The following BLTP3B variants were observed in gnomAD, a reference collection of about 807,000 sequenced individuals.
BLTP3B encodes bridge-like lipid transfer protein family member 3B.
the BLTP3B span, chr12:100,097,656 C>A: frequency 4.8e-6 from 4 of 836,086 alleles, no homozygotes; most frequent in Middle Eastern, 3.8e-4. Context: ...TTGTAAATTG[C>A]ATTATTCCAT....
At chr12:100,054,698 C>T in the BLTP3B span, among the ~76,000 whole-genome samples, 1 of 152,048 alleles carries the variant, frequency 6.6e-6, no homozygotes, top group Non-Finnish European at 1.5e-5. Flanking sequence ...AAGAAGATTG[C>T]TATGAATTAT....
chr12:100,096,069 T>C, the BLTP3B span, among the ~76,000 whole-genome samples: 11 of 151,956 alleles, frequency 7.2e-5, no homozygotes, highest in Admixed American at 4.6e-4. Flanking sequence ...CTGGCCAACA[T>C]GGTAGAAACC....
At chr12:100,054,151 C>T in the BLTP3B span, among the ~76,000 whole-genome samples, 9 of 152,224 alleles carry the variant, frequency 5.9e-5, no homozygotes, top group East Asian at 3.9e-4. Flanking sequence ...ACAATCTAAA[C>T]ATCCAACATC....
chr12:100,069,505 T>C, the BLTP3B span, among the ~76,000 whole-genome samples: 7 of 152,050 alleles, frequency 4.6e-5, no homozygotes, highest in Non-Finnish European at 7.4e-5. Context: ...TGTGTATATA[T>C]ATGATGGAAT....
At chr12:100,108,417 T>C in the BLTP3B span, 7 of 1,612,938 alleles carry the variant, frequency 4.3e-6, no homozygotes, top group Non-Finnish European at 5.1e-6. Context: ...AAAAACTTTG[T>C]TGATAGCAAG....
At chr12:100,069,624 G>A in the BLTP3B span, among the ~76,000 whole-genome samples, 3 of 151,930 alleles carry the variant, frequency 2.0e-5, no homozygotes, top group African/African-American at 4.8e-5. Context: ...ACTAAACATC[G>A]TATGTTCTTC....
chr12:100,068,630 ACTC>A, the BLTP3B span, among the ~76,000 whole-genome samples: 1 of 152,210 alleles, frequency 6.6e-6, no homozygotes, highest in South Asian at 2.1e-4. Flanking sequence ...GCTACAATGA[ACTC>A]AAATCAACAA....
At chr12:100,098,943 C>CACATAGAT in the BLTP3B span, among the ~76,000 whole-genome samples, 600 of 119,886 alleles carry the variant, frequency 5.0e-3, 3 homozygotes, top group African/African-American at 0.017. Context: ...GACAGACAGA[C>CACATAGAT]ACATAGATAC....
chr12:100,059,127 C>T, the BLTP3B span: 21 of 1,614,024 alleles, frequency 1.3e-5, no homozygotes, highest in Admixed American at 3.3e-4. Context: ...GTCTACAAAA[C>T]TTATTGGCCG....
chr12:100,140,996 T>A, the BLTP3B span, among the ~76,000 whole-genome samples: 1 of 151,930 alleles, frequency 6.6e-6, no homozygotes, highest in Non-Finnish European at 1.5e-5. Flanking sequence ...CTATGCAGCA[T>A]CATCCTTGGA....
At chr12:100,037,659 T>C in the BLTP3B span, 7 of 1,609,484 alleles carry the variant, frequency 4.3e-6, no homozygotes, top group African/African-American at 8.0e-5. Flanking sequence ...ATCTTCTTTA[T>C]ATGATGAAGA....
the BLTP3B span, among the ~76,000 whole-genome samples, chr12:100,056,807 A>T: frequency 6.6e-6 from 1 of 151,740 alleles, no homozygotes; most frequent in Non-Finnish European, 1.5e-5. Flanking sequence ...ACTGCACTCC[A>T]GCCTGGGCGA....
the BLTP3B span, chr12:100,097,404 T>G: frequency 6.2e-7 from 1 of 1,613,392 alleles, no homozygotes; most frequent in East Asian, 2.2e-5. Flanking sequence ...ATTGGTTGGT[T>G]ATTAATCGAA....
chr12:100,125,131 A>G, the BLTP3B span, among the ~76,000 whole-genome samples: 1 of 149,738 alleles, frequency 6.7e-6, no homozygotes, highest in African/African-American at 2.4e-5. Context: ...CAGGAGTTCC[A>G]GATAAGCCCG....
At chr12:100,071,689 T>A in the BLTP3B span, among the ~76,000 whole-genome samples, 4 of 152,282 alleles carry the variant, frequency 2.6e-5, no homozygotes, top group East Asian at 7.7e-4. Context: ...TAAAAATTCA[T>A]GTAATTCAAT....
the BLTP3B span, among the ~76,000 whole-genome samples, chr12:100,090,271 G>C: frequency 6.6e-6 from 1 of 152,102 alleles, no homozygotes. Context: ...AAAGGAGACA[G>C]GATTTATAAA....
chr12:100,128,768 T>TTAAG, the BLTP3B span: 6 of 1,243,086 alleles, frequency 4.8e-6, no homozygotes, highest in South Asian at 8.1e-5. Context: ...GGGAGCAAGT[T>TTAAG]TAAGGGAAGG....
the BLTP3B span, among the ~76,000 whole-genome samples, chr12:100,084,210 G>T: frequency 6.6e-6 from 1 of 151,636 alleles, no homozygotes; most frequent in Non-Finnish European, 1.5e-5. Context: ...AAAAATACTT[G>T]GCTGGGCATG....
At chr12:100,059,602 A>G in the BLTP3B span, 1 of 1,458,024 alleles carries the variant, frequency 6.9e-7, no homozygotes, top group Non-Finnish European at 9.1e-7. Flanking sequence ...AAAGAACATG[A>G]CTTAGCTCAG....
Sources: allele counts gnomAD v4.1 joint callset (sites outside exome capture counted in the v4.1 genomes callset), GRCh38; gene constraint gnomAD v4.1.1; transcripts MANE v1.5; gene names NCBI Gene and HGNC (gene_info 2026-07-23, HGNC 2026-07-21).